The following VIPR2 variants were observed in gnomAD, a reference collection of about 807,000 sequenced individuals.
VIPR2 encodes the protein vasoactive intestinal polypeptide receptor 2.
VIPR2 carries 48 observed loss-of-function variants against 58.0 expected under a neutral mutation model. That is an observed-to-expected ratio of 0.83 (90% CI 0.66 to 1.05). VIPR2 has a LOEUF of 1.05. VIPR2 is among the 50% of genes least tolerant of loss of function. The pLI is 0.00. For synonymous variants in VIPR2, 243 were observed against 235.2 expected (o/e 1.03, Z -0.30); for missense variants, 534 against 558.0 (o/e 0.96, Z 0.43).
At chr7:159,083,317 A>G (rs1857008246) in intron 4 of VIPR2, among the ~76,000 whole-genome samples, 1 of 152,158 alleles carries the variant, frequency 6.6e-6, no homozygotes, top group Non-Finnish European at 1.5e-5. Flanking sequence ...GCCATGATGG[A>G]GAAAGTGCTT....
chr7:159,067,066 G>A (rs1348888050), intron 4 of VIPR2, among the ~76,000 whole-genome samples: 1 of 152,176 alleles, frequency 6.6e-6, no homozygotes, highest in Non-Finnish European at 1.5e-5. Flanking sequence ...CAGTGACTCA[G>A]TTGCACCAGC....
intron 2 of VIPR2, among the ~76,000 whole-genome samples, chr7:159,138,665 A>G (rs1585573402): frequency 1.3e-5 from 2 of 152,238 alleles, no homozygotes; most frequent in Non-Finnish European, 2.9e-5. Context: ...TGCCGAGCAC[A>G]TGTGTGAAGA....
intron 2 of VIPR2, among the ~76,000 whole-genome samples, chr7:159,122,458 C>T (rs1388210399): frequency 6.6e-6 from 1 of 152,208 alleles, no homozygotes; most frequent in Non-Finnish European, 1.5e-5. Context: ...GCGGAGCTCA[C>T]CTGGTCTCCC....
At chr7:159,048,554 T>A (rs1256218256) in intron 5 of VIPR2, among the ~76,000 whole-genome samples, 1 of 152,236 alleles carries the variant, frequency 6.6e-6, no homozygotes, top group Non-Finnish European at 1.5e-5. Flanking sequence ...TTTGAAGACT[T>A]ACTCTGAACA....
intron 4 of VIPR2, among the ~76,000 whole-genome samples, chr7:159,079,406 T>C (rs1856796615): frequency 6.6e-6 from 1 of 152,052 alleles, no homozygotes; most frequent in South Asian, 2.1e-4. Context: ...GAAATAAAGA[T>C]GTTCTTTGAA....
chr7:159,118,145 C>G (rs536969358), intron 2 of VIPR2, among the ~76,000 whole-genome samples: 2 of 152,290 alleles, frequency 1.3e-5, no homozygotes, highest in South Asian at 4.1e-4. Context: ...TCTCTTCCTG[C>G]TGGGGGGCTG....
At chr7:159,122,902 A>G (rs59630301) in intron 2 of VIPR2, among the ~76,000 whole-genome samples, 23,729 of 152,068 alleles carry the variant, frequency 0.16, 1,938 homozygotes, top group African/African-American at 0.16. Context: ...AGGTAAACTC[A>G]TGTCATGGGA....
At chr7:159,033,721 G>A (rs1390712162) in intron 10 of VIPR2, among the ~76,000 whole-genome samples, 4 of 152,114 alleles carry the variant, frequency 2.6e-5, no homozygotes, top group Non-Finnish European at 4.4e-5. Flanking sequence ...GTAGACACAC[G>A]GCCATGGACA....
chr7:159,083,903 G>A (rs1393798719), intron 4 of VIPR2, among the ~76,000 whole-genome samples: 2 of 152,244 alleles, frequency 1.3e-5, no homozygotes, highest in African/African-American at 4.8e-5. Flanking sequence ...GCAGTGTCTG[G>A]GCTGGTGCAT....
At position 159,030,590 on chromosome 7, in the gene VIPR2, G is replaced by C; in HGVS notation, c.*26C>G. On this transcript the variant is annotated 3_prime_UTR_variant, in exon 13 of 13. Coordinates refer to ENST00000262178, the MANE Select transcript of VIPR2 (RefSeq NM_003382.5). The stretch of plus-strand genomic sequence containing the variant: ...AGAAGCCCCGAACCGTGGGCCTCCC[G>C]CCGCGTCCGACAGGCAGGGGTGGGG... 1.3e-6 allele frequency: 2 copies of C among 1,506,966 alleles called. No individual in the cohort carries two copies. The highest frequency in any genetic ancestry group is 1.3e-5 in the South Asian group (1 of 77,492). 93.3% of individuals were successfully genotyped at this position (1,506,966 alleles called of 1,614,324 possible). A position where few individuals can be genotyped will look rare whatever the true frequency, so the allele number is the denominator to read the frequency against.
At chr7:159,064,915 C>T (rs1855996221) in intron 4 of VIPR2, among the ~76,000 whole-genome samples, 1 of 152,194 alleles carries the variant, frequency 6.6e-6, no homozygotes, top group South Asian at 2.1e-4. Context: ...CTCAGCTTTG[C>T]AGGGGCCTGA....
At chr7:159,087,224 C>G (rs1009523945) in intron 4 of VIPR2, among the ~76,000 whole-genome samples, 4 of 149,040 alleles carry the variant, frequency 2.7e-5, no homozygotes, top group African/African-American at 9.9e-5. Flanking sequence ...ACCCAGGACT[C>G]GGATAGTGAG....
At chr7:159,143,936 C>T (rs1189324508) in intron 1 of VIPR2, among the ~76,000 whole-genome samples, 1 of 152,218 alleles carries the variant, frequency 6.6e-6, no homozygotes, top group Non-Finnish European at 1.5e-5. Context: ...CGCTGCAGAC[C>T]GGGCGTCGCC....
intron 3 of VIPR2, among the ~76,000 whole-genome samples, chr7:159,106,739 GAGGGGCAGAGAGAGGCTGGGT>G (rs1795747348): frequency 6.8e-6 from 1 of 146,400 alleles, no homozygotes; most frequent in African/African-American, 2.6e-5. Flanking sequence ...AGAGGCCAGG[GAGGGGCAGAGAGAGGCTGGGT>G]AGGGGCAGAG....
rs550552792 is a variant in VIPR2, at chr7:159,127,828, G to A, written c.151+14618C>T. Among the ~76,000 whole-genome samples the A allele has an allele frequency of 2.0e-5, 3 of 152,318 alleles. No individual in the cohort carries two copies. The highest frequency in any genetic ancestry group is 2.1e-4 in the South Asian group (1 of 4,830). On this transcript the variant is annotated intron_variant, in intron 2 of 12. Coordinates refer to ENST00000262178, the MANE Select transcript of VIPR2 (RefSeq NM_003382.5). This position sits in a 1 kb window ranked among gnomAD's most constrained non-coding sequence, Gnocchi z 4.6. ...AACCCTTTTCCCAAACTCCTGCCAC[G>A]GCTCGGATGCTGCTGGGGCCGCAGG... is the stretch of plus-strand genomic sequence containing the variant.
At chr7:159,123,570 G>T (rs1052572565) in intron 2 of VIPR2, among the ~76,000 whole-genome samples, 1 of 152,134 alleles carries the variant, frequency 6.6e-6, no homozygotes, top group Admixed American at 6.5e-5. Flanking sequence ...AGGCATTAAG[G>T]TTGATTCTAT....
At chr7:159,084,567 A>AT (rs1857075426) in intron 4 of VIPR2, among the ~76,000 whole-genome samples, 1 of 152,028 alleles carries the variant, frequency 6.6e-6, no homozygotes, top group African/African-American at 2.4e-5. Context: ...TCAGGGCACT[A>AT]TGCCTGTGCA....
At chr7:159,062,094 C>T (rs986277178) in intron 4 of VIPR2, among the ~76,000 whole-genome samples, 5 of 152,138 alleles carry the variant, frequency 3.3e-5, no homozygotes, top group Admixed American at 1.3e-4. Context: ...GGGGCGCCGG[C>T]GGGTGTGAAG....
At chr7:159,050,250 T>C (rs1170702268) in intron 5 of VIPR2, among the ~76,000 whole-genome samples, 1 of 151,200 alleles carries the variant, frequency 6.6e-6, no homozygotes, top group African/African-American at 2.4e-5. Flanking sequence ...GGCAGGAGGA[T>C]CGCTTGAACC....
Sources: allele counts gnomAD v4.1 joint callset (sites outside exome capture counted in the v4.1 genomes callset), GRCh38; gene constraint gnomAD v4.1.1; non-coding constraint Gnocchi (gnomAD v3.1); transcripts MANE v1.5; gene names NCBI Gene and HGNC (gene_info 2026-07-23, HGNC 2026-07-21).